GLG1: variants seen among roughly 807,000 people sequenced by gnomAD.
GLG1 encodes golgi glycoprotein 1.
GLG1 carries 38 observed loss-of-function variants against 160.5 expected under a neutral mutation model. The observed-to-expected ratio is 0.24, with a 90% CI of 0.18 to 0.31. The LOEUF is 0.31. Among genes scored for constraint, GLG1 ranks in the 10% least tolerant of loss-of-function variants. GLG1 has a pLI of 1.00. For missense variants in GLG1, 1,373 were observed against 1,505.2 expected, an observed-to-expected ratio of 0.91 and a Z score of 1.45; for synonymous variants, 644 against 543.4, an observed-to-expected ratio of 1.19 and a Z score of -2.57.
chr16:74,574,882 T>TAAAAAAA (rs1567533255), intron 1 of GLG1, among the ~76,000 whole-genome samples: 4 of 3,730 alleles, frequency 1.1e-3, no homozygotes, highest in African/African-American at 6.3e-3. Flanking sequence ...AGACTCTGTC[T>TAAAAAAA]CAAAAAAAAA....
intron 9 of GLG1, among the ~76,000 whole-genome samples, chr16:74,484,367 C>A (rs1415505593): frequency 6.6e-6 from 1 of 151,810 alleles, no homozygotes; most frequent in Non-Finnish European, 1.5e-5. Context: ...TCGAGTTTTC[C>A]TCGTTGCCCA....
intron 1 of GLG1, among the ~76,000 whole-genome samples, chr16:74,589,186 C>A (rs1958118968): frequency 2.6e-5 from 4 of 150,982 alleles, no homozygotes; most frequent in Admixed American, 2.6e-4. Flanking sequence ...ACCCAGGAGG[C>A]AGAGGTTGCA....
At position 74,493,074 on chromosome 16, in the gene GLG1, C is replaced by T; in HGVS notation, c.1117G>A (p.Ala373Thr). ...TTCAAGTCACTTTTACAGGATTTGG[C>T]CAATGAATAACTGACTTTATAATCC... ...AQDYKVSYSL[A>T]KSCKSDLKKY... The change falls in exon 7 of 26, where the codon GCC (alanine) becomes ACC (threonine). Residue 373 changes from alanine to threonine, a missense_variant. Around this residue, in one of 4 missense-constraint regions of GLG1, gnomAD observed 174 missense variants for 229.9 expected, o/e 0.76. Coordinates refer to ENST00000422840, the MANE Select transcript of GLG1 (RefSeq NM_001145667.2). The T allele has an allele frequency of 6.2e-7, 1 of 1,613,560 alleles. No homozygotes were observed. The highest frequency in any genetic ancestry group is 8.5e-7 in the Non-Finnish European group (1 of 1,179,562).
chr16:74,504,812 G>A (rs1476181312), intron 3 of GLG1, among the ~76,000 whole-genome samples: 2 of 152,206 alleles, frequency 1.3e-5, no homozygotes, highest in African/African-American at 4.8e-5. Context: ...GAGTGATTCT[G>A]CATGGTGGTG....
intron 2 of GLG1, among the ~76,000 whole-genome samples, chr16:74,522,841 A>C (rs920594199): frequency 6.6e-6 from 1 of 151,910 alleles, no homozygotes; most frequent in Non-Finnish European, 1.5e-5. Context: ...GCATCACCAC[A>C]CCCAGCTAAT....
chr16:74,590,814 A>G (rs990398215), intron 1 of GLG1, among the ~76,000 whole-genome samples: 37 of 148,794 alleles, frequency 2.5e-4, no homozygotes, highest in Admixed American at 2.3e-3. Flanking sequence ...AAAAAAAAGA[A>G]AAAAAAAAAG....
In GLG1 at chr16:74,533,929, T is replaced by A. The variant is rs1467872608; in HGVS notation, c.439-1776A>T. On this transcript the variant is annotated intron_variant, in intron 1 of 25. Coordinates refer to ENST00000422840, the MANE Select transcript of GLG1 (RefSeq NM_001145667.2). ...TAAACAGATGTTTTCTATCCAAGGA[T>A]AAAGAAAAGGCAATAAAGAAAATAG... Among the ~76,000 whole-genome samples the A allele has an allele frequency of 5.9e-5, 9 of 152,154 alleles. 1 individual carries two copies. Among genetic ancestry groups the A allele is most frequent in the Admixed American group, 5.9e-4 (9 of 15,276 alleles).
In GLG1 at chr16:74,458,062, A is replaced by T. The variant is rs193213150; in HGVS notation, c.3145-68T>A. ...AATGCATCAGATCTGTTGTCTGTAA[A>T]TACTTCATATACTAATAAAAAAGGG... On this transcript the variant is annotated intron_variant, in intron 23 of 25. Transcript: ENST00000422840. 1,707 of 1,428,748 alleles carry T rather than the reference A, an allele frequency of 1.2e-3. 1 individual carries two copies. Among genetic ancestry groups the T allele is most frequent in the Non-Finnish European group, 1.5e-3 (1,511 of 1,026,910 alleles). 88.5% of individuals were successfully genotyped at this position (1,428,748 alleles called of 1,614,324 possible). A position where few individuals can be genotyped will look rare whatever the true frequency, so the allele number is the denominator to read the frequency against.
At chr16:74,503,826 G>T in intron 3 of GLG1, 80 bp from the exon 4 acceptor site, 1 of 928,980 alleles carries the variant, frequency 1.1e-6, no homozygotes, top group Non-Finnish European at 1.7e-6. Context: ...AAAAATGTCT[G>T]AAATTTTCCT....
chr16:74,526,189 G>C (rs1349730638), intron 2 of GLG1, among the ~76,000 whole-genome samples: 2 of 151,628 alleles, frequency 1.3e-5, no homozygotes, highest in Non-Finnish European at 2.9e-5. Context: ...GAAGGTCATT[G>C]TACTCTCCAA....
chr16:74,508,569 G>C (rs989882536), intron 3 of GLG1, among the ~76,000 whole-genome samples: 8 of 152,172 alleles, frequency 5.3e-5, no homozygotes, highest in African/African-American at 1.7e-4. Context: ...ATGTGTGAGA[G>C]TAGCACTGAT....
At chr16:74,567,965 G>A (rs1187385695) in intron 1 of GLG1, among the ~76,000 whole-genome samples, 2 of 152,192 alleles carry the variant, frequency 1.3e-5, no homozygotes, top group East Asian at 3.8e-4. Context: ...TCCAGGTCGG[G>A]CCTCATTCCT....
chr16:74,473,165 T>C (rs2015267263), intron 13 of GLG1, among the ~76,000 whole-genome samples: 1 of 152,196 alleles, frequency 6.6e-6, no homozygotes. Context: ...CCCTCCTCTG[T>C]ATTTCTAAAT....
chr16:74,519,345 G>A (rs899618417), intron 2 of GLG1, among the ~76,000 whole-genome samples: 1 of 148,686 alleles, frequency 6.7e-6, no homozygotes, highest in African/African-American at 2.5e-5. Flanking sequence ...GGGGTGGGGG[G>A]CTAGGGGAGG....
chr16:74,509,397 T>TA (rs947160619), intron 2 of GLG1, among the ~76,000 whole-genome samples: 24 of 152,078 alleles, frequency 1.6e-4, no homozygotes, highest in South Asian at 1.0e-3. Context: ...TTATATGAGC[T>TA]AAATTCTGCT....
chr16:74,467,666 A>G (rs2015048065), intron 18 of GLG1, 90 bp downstream of exon 18: 1 of 862,038 alleles, frequency 1.2e-6, no homozygotes, highest in East Asian at 2.5e-5. Flanking sequence ...CATGACTAAA[A>G]TGTTACCTTA....
At chr16:74,579,698 G>C (rs1485322869) in intron 1 of GLG1, among the ~76,000 whole-genome samples, 2 of 151,522 alleles carry the variant, frequency 1.3e-5, no homozygotes, top group East Asian at 3.9e-4. Context: ...CTCCAGCATG[G>C]GTGACAGCAA....
intron 2 of GLG1, among the ~76,000 whole-genome samples, chr16:74,528,041 C>G (rs535385619): frequency 6.6e-6 from 1 of 151,568 alleles, no homozygotes; most frequent in African/African-American, 2.4e-5. Flanking sequence ...CCCACCACCA[C>G]ACCTGGCTAG....
At chr16:74,479,650 C>T (rs2015527619) in intron 11 of GLG1, among the ~76,000 whole-genome samples, 1 of 152,096 alleles carries the variant, frequency 6.6e-6, no homozygotes, top group Admixed American at 6.5e-5. Context: ...GGAACAAAGG[C>T]AGGACTGATA....
Sources: allele counts gnomAD v4.1 joint callset (sites outside exome capture counted in the v4.1 genomes callset), GRCh38; gene constraint gnomAD v4.1.1; regional missense constraint gnomAD v4.1.1; transcripts MANE v1.5; gene names NCBI Gene and HGNC (gene_info 2026-07-23, HGNC 2026-07-21).